SCN8A: variants seen among roughly 807,000 people sequenced by gnomAD.
SCN8A encodes the protein sodium channel protein type 8 subunit alpha.
A neutral mutation model predicts 184.1 loss-of-function variants in SCN8A; 30 were observed. That is an observed-to-expected ratio of 0.16 (90% CI 0.12 to 0.22). SCN8A has a LOEUF of 0.22. Among genes scored for constraint, SCN8A ranks in the 10% least tolerant of loss-of-function variants. The probability of loss-of-function intolerance (pLI) is 1.00; values close to 1 mark genes in which losing one functional copy is unlikely to be tolerated. For missense variants in SCN8A, 1,057 were observed against 2,498.9 expected (o/e 0.42, Z 12.30); for synonymous variants, 852 against 907.0 (o/e 0.94, Z 1.09).
Position 51,739,405 on chromosome 12 carries a change from G to A in SCN8A, c.1999-6498G>A, listed in dbSNP as rs415825. 3.9e-3 allele frequency among the ~76,000 whole-genome samples: 600 copies of A among 152,170 alleles called. 1 individual carries two copies. Among genetic ancestry groups the A allele is most frequent in the Middle Eastern group, 0.017 (5 of 294 alleles). The stretch of plus-strand genomic sequence containing the variant: ...AATGTCCTCCGGAAAAGAAAGATCC[G>A]GGGGGTCATTTTCTTCAAAATAATA... On this transcript the variant is annotated intron_variant, in intron 12 of 26. Transcript: ENST00000627620.
At chr12:51,703,318 C>A (rs1000482549) in intron 9 of SCN8A, among the ~76,000 whole-genome samples, 1 of 152,006 alleles carries the variant, frequency 6.6e-6, no homozygotes, top group African/African-American at 2.4e-5. Flanking sequence ...AATATTTCTA[C>A]TTTTTGGAAA....
chr12:51,676,504 G>A (rs1330110622), intron 2 of SCN8A, among the ~76,000 whole-genome samples: 2 of 152,194 alleles, frequency 1.3e-5, no homozygotes, highest in Non-Finnish European at 2.9e-5. Flanking sequence ...TATATTGGCT[G>A]TATGCATACT....
At chr12:51,662,066 A>C (rs1314339335) in intron 1 of SCN8A, among the ~76,000 whole-genome samples, 1 of 152,170 alleles carries the variant, frequency 6.6e-6, no homozygotes, top group African/African-American at 2.4e-5. Context: ...GAAGTTCTCT[A>C]GGATTCCACT....
intron 18 of SCN8A, 190 bp downstream of exon 18, chr12:51,770,175 CT>C (rs1942903045): frequency 1.7e-6 from 1 of 593,576 alleles, no homozygotes; most frequent in Non-Finnish European, 3.0e-6. Flanking sequence ...TAACAAGTTT[CT>C]ATTCTCACAC....
chr12:51,795,970 C>G (rs978659189), intron 26 of SCN8A, among the ~76,000 whole-genome samples: 14 of 151,952 alleles, frequency 9.2e-5, no homozygotes, highest in African/African-American at 3.1e-4. Context: ...TTGTTTAAGC[C>G]CGGGAGGTCA....
In SCN8A at chr12:51,751,599, A is replaced by T. The variant is rs2138838830; in HGVS notation, c.2370+6A>T. Reference sequence around the variant, plus strand: ...TCTTGGCTGTAGGAAATCTGGTAAGATGGAACACTGTCTCCCGATATTAGG... The same window carrying T: ...TCTTGGCTGTAGGAAATCTGGTAAGTTGGAACACTGTCTCCCGATATTAGG... On this transcript the variant is annotated splice_donor_region_variant and intron_variant, in intron 14 of 26. Transcript: ENST00000627620. The T allele has an allele frequency of 6.3e-7, 1 of 1,586,426 alleles. No individual in the cohort carries two copies.
intron 15 of SCN8A, among the ~76,000 whole-genome samples, chr12:51,764,806 A>C (rs1942813445): frequency 6.9e-6 from 1 of 145,774 alleles, no homozygotes. Flanking sequence ...ACATAGTCTC[A>C]TTCTGCTGTC....
intron 5 of SCN8A, chr12:51,688,621 T>C: frequency 1.5e-6 from 1 of 649,626 alleles, no homozygotes. Context: ...GTTCCTTAAA[T>C]GTTTGTATTT....
At chr12:51,696,868 TA>T (rs113239134) in intron 6 of SCN8A, among the ~76,000 whole-genome samples, 197 of 142,380 alleles carry the variant, frequency 1.4e-3, no homozygotes, top group Non-Finnish European at 1.3e-3. Context: ...CCATCTCTGC[TA>T]AAAAAAAAAA....
intron 12 of SCN8A, among the ~76,000 whole-genome samples, chr12:51,743,006 T>A (rs1255180686): frequency 6.6e-6 from 1 of 152,202 alleles, no homozygotes. Context: ...TCTAATGCAT[T>A]GTTTAGTATT....
intron 1 of SCN8A, among the ~76,000 whole-genome samples, chr12:51,637,930 G>A (rs3912917): frequency 0.011 from 1,731 of 152,254 alleles, 41 homozygotes; most frequent in East Asian, 0.11. Flanking sequence ...TCAAAGGACA[G>A]GCTGACTCTC....
At chr12:51,772,382 C>A (rs1388500894) in intron 19 of SCN8A, among the ~76,000 whole-genome samples, 2 of 116,648 alleles carry the variant, frequency 1.7e-5, no homozygotes, top group African/African-American at 6.5e-5. Flanking sequence ...GCAACAAGAG[C>A]GAAACTCCAT....
intron 11 of SCN8A, among the ~76,000 whole-genome samples, chr12:51,720,826 G>A (rs1386776830): frequency 1.3e-5 from 2 of 151,860 alleles, no homozygotes; most frequent in Non-Finnish European, 2.9e-5. Context: ...AGCACTTTGG[G>A]AGGCCGAGGC....
intron 20 of SCN8A, 58 bp downstream of exon 20, chr12:51,774,420 C>A: frequency 6.7e-7 from 1 of 1,494,092 alleles, no homozygotes; most frequent in Non-Finnish European, 9.0e-7. Context: ...AAACAGGGGT[C>A]TCTCTTTTTC....
intron 19 of SCN8A, 143 bp from the exon 20 acceptor site, chr12:51,774,046 T>C (rs2138878596): frequency 3.6e-6 from 2 of 554,964 alleles, no homozygotes; most frequent in Non-Finnish European, 6.3e-6. Flanking sequence ...ATAAAAAGCC[T>C]GTGTAGTCGG....
At chr12:51,682,531 A>G (rs890626942) in intron 2 of SCN8A, among the ~76,000 whole-genome samples, 1 of 152,194 alleles carries the variant, frequency 6.6e-6, no homozygotes, top group African/African-American at 2.4e-5. Context: ...ACATAGATGT[A>G]TGCTTTTATT....
intron 2 of SCN8A, among the ~76,000 whole-genome samples, chr12:51,673,514 G>A (rs540864121): frequency 1.3e-5 from 2 of 152,298 alleles, no homozygotes; most frequent in African/African-American, 2.4e-5. Context: ...ATTTTTATGG[G>A]TAGATGAGCT....
At chr12:51,652,842 A>T (rs1940745328) in intron 1 of SCN8A, among the ~76,000 whole-genome samples, 1 of 152,148 alleles carries the variant, frequency 6.6e-6, no homozygotes, top group South Asian at 2.1e-4. Context: ...ACCATACTGT[A>T]CTTTGCCTGT....
At chr12:51,794,015 G>A (rs1454873374) in intron 25 of SCN8A, among the ~76,000 whole-genome samples, 2 of 152,036 alleles carry the variant, frequency 1.3e-5, no homozygotes, top group African/African-American at 4.8e-5. Context: ...ACGTGGTGGT[G>A]TGTGCCTGTA....
Sources: allele counts gnomAD v4.1 joint callset (sites outside exome capture counted in the v4.1 genomes callset), GRCh38; gene constraint gnomAD v4.1.1; transcripts MANE v1.5; gene names NCBI Gene and HGNC (gene_info 2026-07-23, HGNC 2026-07-21).